HCN1: variants seen among roughly 807,000 people sequenced by gnomAD.
The protein encoded by HCN1 is hyperpolarization activated cyclic nucleotide gated potassium channel 1.
In HCN1, 13 loss-of-function variants were observed where a neutral mutation model predicts 78.9. The observed-to-expected ratio is 0.16, with a 90% CI of 0.11 to 0.26. The LOEUF is 0.26. Ranked by LOEUF, HCN1 falls within the 10% of genes least tolerant of loss-of-function variation. HCN1 has a pLI of 1.00. For synonymous variants in HCN1, 552 were observed against 455.5 expected (o/e 1.21, Z -2.70); for missense variants, 810 against 1,154.3 (o/e 0.70, Z 4.32).
intron 2 of HCN1, among the ~76,000 whole-genome samples, chr5:45,497,628 C>G (rs1440955888): frequency 6.6e-6 from 1 of 152,136 alleles, no homozygotes; most frequent in Non-Finnish European, 1.5e-5. Context: ...CTGAATACAG[C>G]ACACTGATGG....
intron 2 of HCN1, among the ~76,000 whole-genome samples, chr5:45,499,144 A>C (rs1742129450): frequency 6.6e-6 from 1 of 152,130 alleles, no homozygotes; most frequent in Non-Finnish European, 1.5e-5. Flanking sequence ...TGTTTACCTA[A>C]GCAAGCCTGG....
At chr5:45,496,169 A>T (rs1003818881) in intron 2 of HCN1, among the ~76,000 whole-genome samples, 1 of 152,148 alleles carries the variant, frequency 6.6e-6, no homozygotes, top group African/African-American at 2.4e-5. Flanking sequence ...TAGTTTCAGA[A>T]GGAATGGTAC....
intron 3 of HCN1, among the ~76,000 whole-genome samples, chr5:45,441,974 C>A (rs895389930): frequency 6.6e-6 from 1 of 152,146 alleles, no homozygotes; most frequent in African/African-American, 2.4e-5. Flanking sequence ...TCCCTTGCAA[C>A]AATAAAGAAT....
At chr5:45,459,253 A>G (rs1741093043) in intron 3 of HCN1, among the ~76,000 whole-genome samples, 1 of 151,918 alleles carries the variant, frequency 6.6e-6, no homozygotes. Flanking sequence ...AATAAAAACA[A>G]TAAAATAAAA....
At chr5:45,545,699 T>C (rs1245747163) in intron 2 of HCN1, among the ~76,000 whole-genome samples, 1 of 152,194 alleles carries the variant, frequency 6.6e-6, no homozygotes, top group African/African-American at 2.4e-5. Context: ...ATTTATTAAA[T>C]AGGGAATCTT....
intron 5 of HCN1, among the ~76,000 whole-genome samples, chr5:45,312,887 G>A (rs1314275345): frequency 6.6e-6 from 1 of 152,184 alleles, no homozygotes; most frequent in African/African-American, 2.4e-5. Context: ...CCTGCATGGA[G>A]CCCCTCGCAG....
chr5:45,515,809 C>T (rs923101065), intron 2 of HCN1, among the ~76,000 whole-genome samples: 1 of 151,892 alleles, frequency 6.6e-6, no homozygotes, highest in East Asian at 1.9e-4. Context: ...TCATGACAAA[C>T]ATATAAACTT....
intron 2 of HCN1, among the ~76,000 whole-genome samples, chr5:45,609,713 C>G (rs1430185125): frequency 6.6e-6 from 1 of 152,050 alleles, no homozygotes; most frequent in Non-Finnish European, 1.5e-5. Context: ...AATGAGGCAG[C>G]CCTTGCCCTC....
chr5:45,623,865 T>C (rs966344863), intron 2 of HCN1, among the ~76,000 whole-genome samples: 2 of 152,178 alleles, frequency 1.3e-5, no homozygotes, highest in Non-Finnish European at 2.9e-5. Flanking sequence ...GAGAGGATTA[T>C]TGCTTTATAT....
intron 2 of HCN1, among the ~76,000 whole-genome samples, chr5:45,557,072 C>G (rs1743486049): frequency 6.6e-6 from 1 of 152,080 alleles, no homozygotes; most frequent in Admixed American, 6.6e-5. Context: ...AGACTTACAA[C>G]CTTCAAATAT....
chr5:45,403,157 C>T (rs1739858002), intron 3 of HCN1, among the ~76,000 whole-genome samples: 1 of 152,062 alleles, frequency 6.6e-6, no homozygotes, highest in Non-Finnish European at 1.5e-5. Flanking sequence ...TGAATTTTGT[C>T]TACACACATT....
intron 1 of HCN1, among the ~76,000 whole-genome samples, chr5:45,648,483 C>T (rs558228110): frequency 6.6e-6 from 1 of 152,188 alleles, no homozygotes; most frequent in South Asian, 2.1e-4. Flanking sequence ...GACAAAACCA[C>T]AGGTGCTTTT....
chr5:45,345,431 T>A (rs1331497773), intron 5 of HCN1, among the ~76,000 whole-genome samples: 7 of 152,200 alleles, frequency 4.6e-5, no homozygotes, highest in African/African-American at 1.7e-4. Context: ...GAAAGTGGGC[T>A]TTTTCTTTTC....
chr5:45,692,260 G>C (rs1401400662), intron 1 of HCN1, among the ~76,000 whole-genome samples: 1 of 152,144 alleles, frequency 6.6e-6, no homozygotes, highest in Admixed American at 6.5e-5. Flanking sequence ...CACAATGCTT[G>C]CCAAGCATCA....
chr5:45,396,370 T>C, intron 4 of HCN1, 122 bp downstream of exon 4: 1 of 819,850 alleles, frequency 1.2e-6, no homozygotes, highest in Non-Finnish European at 2.0e-6. Flanking sequence ...GTGTTTTTAC[T>C]TTAAACATTT....
At chr5:45,372,095 ATATTTT>A (rs1579847520) in intron 4 of HCN1, among the ~76,000 whole-genome samples, 1 of 57,160 alleles carries the variant, frequency 1.7e-5, no homozygotes, top group Non-Finnish European at 2.7e-5. Context: ...AATTATATAT[ATATTTT>A]ATATATAATA....
At chr5:45,372,895 G>A (rs1357190125) in intron 4 of HCN1, among the ~76,000 whole-genome samples, 2 of 139,370 alleles carry the variant, frequency 1.4e-5, no homozygotes, top group Non-Finnish European at 3.1e-5. Flanking sequence ...ACAAAAATAT[G>A]TACGTATTCT....
At chr5:45,357,701 G>T (rs934133451) in intron 4 of HCN1, among the ~76,000 whole-genome samples, 1 of 152,040 alleles carries the variant, frequency 6.6e-6, no homozygotes, top group Non-Finnish European at 1.5e-5. Flanking sequence ...ATGTGTGTAT[G>T]TTAGGAGTAG....
chr5:45,418,933 T>C lies in HCN1; in HGVS notation c.1012-22223A>G, dbSNP rs1740170979. On this transcript the variant is annotated intron_variant, in intron 3 of 7. Coordinates refer to ENST00000303230, the MANE Select transcript of HCN1 (RefSeq NM_021072.4). ...CCAGAGCACAAATTACACAATAAAA[T>C]TGAAGTGACTATCTTCACCACAGAC... Among the ~76,000 whole-genome samples, 2 of 152,156 alleles carry C rather than the reference T, an allele frequency of 1.3e-5. 1 individual carries two copies. Among genetic ancestry groups the C allele is most frequent in the Admixed American group, 1.3e-4 (2 of 15,258 alleles).
Sources: gnomAD v4.1 joint callset for allele counts (sites outside exome capture counted in the v4.1 genomes callset) on GRCh38, gnomAD v4.1.1 for gene constraint, MANE v1.5 for transcripts, NCBI Gene and HGNC (gene_info 2026-07-23, HGNC 2026-07-21) for gene names.